The following CES1 variants were observed in gnomAD, a reference collection of about 807,000 sequenced individuals.
The protein encoded by CES1 is liver carboxylesterase 1.
A neutral mutation model predicts 53.0 loss-of-function variants in CES1; 50 were observed. The ratio of observed to expected loss-of-function variants is 0.94; its 90% confidence interval spans 0.75 to 1.19. CES1 has a LOEUF of 1.19. CES1 is among the 50% of genes most tolerant of loss of function. The probability of loss-of-function intolerance (pLI) is 0.00; values close to 1 mark genes in which losing one functional copy is unlikely to be tolerated. For synonymous variants in CES1, 202 were observed against 210.1 expected, an observed-to-expected ratio of 0.96 and a Z score of 0.33; for missense variants, 534 against 538.0, an observed-to-expected ratio of 0.99 and a Z score of 0.07.
chr16:55,832,009 G>A (rs1408633275), intron 1 of CES1, among the ~76,000 whole-genome samples: 1 of 149,848 alleles, frequency 6.7e-6, no homozygotes, highest in Non-Finnish European at 1.5e-5. Flanking sequence ...CCCTCCCAGG[G>A]TCCAGCCACC....
At chr16:55,824,476 T>C (rs1233087053) in intron 3 of CES1, among the ~76,000 whole-genome samples, 1 of 152,200 alleles carries the variant, frequency 6.6e-6, no homozygotes, top group African/African-American at 2.4e-5. Flanking sequence ...CAAGTGCTGT[T>C]CTAAGCACAG....
chr16:55,815,003 C>T (rs1342617881), intron 8 of CES1, among the ~76,000 whole-genome samples: 4 of 152,228 alleles, frequency 2.6e-5, no homozygotes, highest in Admixed American at 1.3e-4. Flanking sequence ...GGGCAGACTA[C>T]GTGGAAGAGA....
chr16:55,830,821 G>GGAAA (rs1567509502), intron 1 of CES1, among the ~76,000 whole-genome samples: 1 of 133,480 alleles, frequency 7.5e-6, no homozygotes, highest in African/African-American at 2.7e-5. Context: ...AAGGAAGGAA[G>GGAAA]GCAGGCAGGC....
chr16:55,817,077 T>C lies in CES1; in HGVS notation c.907-115A>G, dbSNP rs1239830158. ...TCCCGCATCACTCCGTGAATTCGTA[T>C]ATCTATATGTGACCTGCGGTGCTCC... On this transcript the variant is annotated intron_variant, in intron 7 of 13. Transcript: ENST00000360526. 4.5e-6 allele frequency: 5 copies of C among 1,122,736 alleles called. No individual in the cohort carries two copies. The African/African-American group carries it at 4.7e-5, about 11-fold the overall frequency. The allele number at this position is 1,122,736 out of a possible 1,614,324, so 69.5% of individuals were successfully genotyped here.
intron 2 of CES1, chr16:55,828,215 G>T (rs28533671): frequency 0.53 from 100,823 of 188,864 alleles, 29,118 homozygotes; most frequent in Non-Finnish European, 0.65. Context: ...CTTGGCCAGG[G>T]TGAATGGACA....
intron 2 of CES1, 76 bp from the exon 3 acceptor site, chr16:55,826,371 C>G (rs1268343332): frequency 2.6e-6 from 4 of 1,562,136 alleles, no homozygotes; most frequent in Non-Finnish European, 3.5e-6. Context: ...GCGCCTTGGA[C>G]TGGGAGGTTT....
rs2032496258 is a variant in CES1 at position 55,828,319 on chromosome 16, T to C, written c.260+448A>G. ...GTACACTTGCCACCCACACACCTCC[T>C]GGCCCACTCCTCTCCCCGACTATGT... On this transcript the variant is annotated intron_variant, in intron 2 of 13. Coordinates refer to ENST00000360526, the MANE Select transcript of CES1 (RefSeq NM_001025195.2). 9.3e-6 allele frequency: 3 copies of C among 321,508 alleles called. No individual in the cohort carries two copies. In the Admixed American group the frequency reaches 1.3e-4, roughly 14 times the overall value. The allele number at this position is 321,508 out of a possible 1,614,324, so 19.9% of individuals were successfully genotyped here. A position where few individuals can be genotyped will look rare whatever the true frequency, so the allele number is the denominator to read the frequency against.
chr16:55,825,772 AG>A (rs1256644887), intron 3 of CES1, among the ~76,000 whole-genome samples: 1 of 152,230 alleles, frequency 6.6e-6, no homozygotes, highest in Admixed American at 6.5e-5. Flanking sequence ...CTATTTGAAA[AG>A]GAAGAGTTGG....
chr16:55,811,465 T>C (rs1378251344), intron 9 of CES1, among the ~76,000 whole-genome samples: 1 of 152,158 alleles, frequency 6.6e-6, no homozygotes, highest in Non-Finnish European at 1.5e-5. Flanking sequence ...CTTTGGTCTT[T>C]GGTATAACCT....
At chr16:55,816,401 G>GCAGA (rs2142326339) in intron 8 of CES1, among the ~76,000 whole-genome samples, 1 of 152,342 alleles carries the variant, frequency 6.6e-6, no homozygotes, top group East Asian at 1.9e-4. Context: ...AGAGAGGACA[G>GCAGA]GATTGTAAGA....
chr16:55,827,309 C>T (rs2032458608), intron 2 of CES1, among the ~76,000 whole-genome samples: 1 of 83,212 alleles, frequency 1.2e-5, no homozygotes. Context: ...AATAATAATA[C>T]ATTCCAATGT....
In CES1 at chr16:55,810,543, G is replaced by T; in HGVS notation, c.1292C>A (p.Ser431Tyr). 6.2e-7 allele frequency: 1 copy of T among 1,614,190 alleles called. No individual in the cohort carries two copies. Among genetic ancestry groups the T allele is most frequent in the African/African-American group, 1.3e-5 (1 of 75,024 alleles). ...LIADVMFGVP[S>Y]VIVARNHRDA... is the part of the protein sequence containing the mutation. ...TCTGTGGTTCCGGGCCACAATCACA[G>T]ATGGGACACCAAACATCACATCTGC... The change falls in exon 11 of 14, where the codon TCT (serine) becomes TAT (tyrosine). Residue 431 changes from serine to tyrosine, a missense_variant. Physicochemically the swap from Ser to Tyr is moderately radical, Grantham distance 144. Coordinates refer to ENST00000360526, the MANE Select transcript of CES1 (RefSeq NM_001025195.2).
chr16:55,831,008 C>A (rs1273169145), intron 1 of CES1, among the ~76,000 whole-genome samples: 11 of 152,158 alleles, frequency 7.2e-5, no homozygotes, highest in East Asian at 3.9e-4. Flanking sequence ...GTGGGATATC[C>A]AGGCAAGATG....
chr16:55,819,999 T>G, intron 6 of CES1: 1 of 541,452 alleles, frequency 1.8e-6, no homozygotes, highest in Admixed American at 3.1e-5. Context: ...TTACCAGCCA[T>G]TAGGCAGACC....
intron 9 of CES1, among the ~76,000 whole-genome samples, chr16:55,812,055 GAA>G (rs1322992709): frequency 7.2e-5 from 11 of 152,164 alleles, no homozygotes; most frequent in African/African-American, 2.7e-4. Flanking sequence ...CCTGGCCTAT[GAA>G]ACGTCATCAG....
intron 8 of CES1, among the ~76,000 whole-genome samples, chr16:55,814,561 G>C (rs1234631241): frequency 3.3e-5 from 5 of 152,200 alleles, no homozygotes; most frequent in Non-Finnish European, 5.9e-5. Context: ...AAAATACTTA[G>C]CACAGCACCT....
intron 11 of CES1, among the ~76,000 whole-genome samples, chr16:55,809,221 T>C (rs560774999): frequency 3.3e-5 from 5 of 151,034 alleles, no homozygotes; most frequent in South Asian, 2.1e-4. Context: ...ACGCAGAGCA[T>C]AGGGCAAGGG....
intron 2 of CES1, among the ~76,000 whole-genome samples, chr16:55,826,584 C>G (rs1314566585): frequency 6.6e-6 from 1 of 152,166 alleles, no homozygotes; most frequent in Non-Finnish European, 1.5e-5. Flanking sequence ...CACTGATCCT[C>G]CCTGGGAGGT....
chr16:55,812,729 C>T lies in CES1; in HGVS notation c.1086+174G>A, dbSNP rs188117518. Among the ~76,000 whole-genome samples the T allele has an allele frequency of 1.6e-3, 238 of 152,288 alleles. 1 individual carries two copies. Among genetic ancestry groups the T allele is most frequent in the Non-Finnish European group, 2.4e-3 (163 of 68,020 alleles). On this transcript the variant is annotated intron_variant, in intron 9 of 13. Transcript: ENST00000360526. ...AGGGAATCCCAGGGCCCTGATACCC[C>T]GGTGAAAACTGTGCCCTCCTGGAGA...
Sources: allele counts gnomAD v4.1 joint callset (sites outside exome capture counted in the v4.1 genomes callset), GRCh38; gene constraint gnomAD v4.1.1; transcripts MANE v1.5; gene names NCBI Gene and HGNC (gene_info 2026-07-23, HGNC 2026-07-21).